Variants in CAST observed in about 807,000 individuals in gnomAD.
CAST encodes MIR583 host.
In CAST, 76 loss-of-function variants were observed where a neutral mutation model predicts 119.6. That is an observed-to-expected ratio of 0.64 (90% CI 0.53 to 0.77). The LOEUF (loss-of-function observed/expected upper bound fraction) is 0.77. Ranked by LOEUF, CAST falls within the 30% of genes least tolerant of loss-of-function variation. The probability of loss-of-function intolerance (pLI) is 0.00; values close to 1 mark genes in which losing one functional copy is unlikely to be tolerated. For missense variants in CAST, 953 were observed against 946.5 expected, an observed-to-expected ratio of 1.01 and a Z score of -0.09; for synonymous variants, 319 against 331.6, an observed-to-expected ratio of 0.96 and a Z score of 0.41.
chr5:96,243,471 G>A, the CAST span, among the ~76,000 whole-genome samples: 1 of 151,724 alleles, frequency 6.6e-6, no homozygotes, highest in South Asian at 2.1e-4. Flanking sequence ...ATTTTTTTTG[G>A]TTAAATACAC....
At chr5:96,354,103 T>C in the CAST span, among the ~76,000 whole-genome samples, 3 of 152,140 alleles carry the variant, frequency 2.0e-5, no homozygotes, top group Non-Finnish European at 2.9e-5. Flanking sequence ...TTACTTTAAA[T>C]ACATATCAAG....
At chr5:96,484,492 A>G in the CAST span, among the ~76,000 whole-genome samples, 2 of 152,188 alleles carry the variant, frequency 1.3e-5, no homozygotes, top group Admixed American at 6.6e-5. Flanking sequence ...CAGACACCAG[A>G]TGGGTTAGTC....
chr5:96,353,922 C>T, the CAST span, among the ~76,000 whole-genome samples: 1 of 152,180 alleles, frequency 6.6e-6, no homozygotes, highest in Non-Finnish European at 1.5e-5. Context: ...CCTGTTGCTT[C>T]TATTTCCCTG....
chr5:96,416,046 A>G, the CAST span: 1 of 1,607,128 alleles, frequency 6.2e-7, no homozygotes, highest in Non-Finnish European at 8.5e-7. Flanking sequence ...CAACTTTGGA[A>G]TTGTATGCAA....
the CAST span, among the ~76,000 whole-genome samples, chr5:96,004,306 G>T: frequency 6.6e-6 from 1 of 152,182 alleles, no homozygotes; most frequent in Non-Finnish European, 1.5e-5. Flanking sequence ...ATTTTAGCAA[G>T]AGCATATCTT....
the CAST span, among the ~76,000 whole-genome samples, chr5:96,057,498 C>T: frequency 2.0e-5 from 3 of 152,134 alleles, no homozygotes; most frequent in Non-Finnish European, 4.4e-5. Flanking sequence ...CACTTCCATG[C>T]CCTTCAGCTT....
chr5:96,478,469 A>G, the CAST span, among the ~76,000 whole-genome samples: 3 of 152,326 alleles, frequency 2.0e-5, no homozygotes, highest in East Asian at 5.8e-4. Flanking sequence ...CCTCCTTGTC[A>G]CACTCCATTC....
chr5:96,556,825 C>G (rs186013928), intron 1 of CAST, among the ~76,000 whole-genome samples: 161 of 152,244 alleles, frequency 1.1e-3, no homozygotes, highest in Non-Finnish European at 2.0e-3. Flanking sequence ...TCTAGCAAGG[C>G]AGGCCAACAT....
intron 1 of CAST, among the ~76,000 whole-genome samples, chr5:96,543,647 A>G (rs186295716): frequency 1.0e-3 from 158 of 152,282 alleles, no homozygotes; most frequent in African/African-American, 3.3e-3. Flanking sequence ...CTTTTGGTGT[A>G]TGTAAAAATT....
chr5:96,751,157 C>T (rs954070242), intron 20 of CAST, among the ~76,000 whole-genome samples: 3 of 152,152 alleles, frequency 2.0e-5, no homozygotes, highest in East Asian at 1.9e-4. Context: ...TTCTAATTTT[C>T]ACATGAAGTA....
chr5:96,578,824 T>G (rs1452850070), intron 1 of CAST, among the ~76,000 whole-genome samples: 4 of 152,190 alleles, frequency 2.6e-5, no homozygotes, highest in African/African-American at 7.2e-5. Context: ...TGCTAGGTCT[T>G]ATTTAAAGCT....
chr5:96,615,739 A>C (rs1280657934), intron 1 of CAST, among the ~76,000 whole-genome samples: 1 of 152,156 alleles, frequency 6.6e-6, no homozygotes. Flanking sequence ...TCCCGAGAAC[A>C]GGTCCATGCC....
At chr5:96,085,637 T>G in the CAST span, among the ~76,000 whole-genome samples, 9 of 152,326 alleles carry the variant, frequency 5.9e-5, no homozygotes, top group East Asian at 1.7e-3. Flanking sequence ...ACAACAATTT[T>G]TAAACAATGC....
At chr5:96,653,795 T>C (rs986529766) in intron 1 of CAST, among the ~76,000 whole-genome samples, 1 of 152,160 alleles carries the variant, frequency 6.6e-6, no homozygotes, top group Non-Finnish European at 1.5e-5. Flanking sequence ...TCTTTAAGTA[T>C]TTGAAAGACT....
At chr5:96,454,424 G>A in the CAST span, among the ~76,000 whole-genome samples, 1 of 152,180 alleles carries the variant, frequency 6.6e-6, no homozygotes. Flanking sequence ...AAGAGGTGCT[G>A]GTATTGACTG....
the CAST span, among the ~76,000 whole-genome samples, chr5:95,983,179 C>T: frequency 6.6e-6 from 1 of 152,114 alleles, no homozygotes. Flanking sequence ...AGAACAACAA[C>T]AAGTTGATGA....
the CAST span, among the ~76,000 whole-genome samples, chr5:96,104,001 A>G: frequency 6.6e-6 from 1 of 152,122 alleles, no homozygotes; most frequent in Admixed American, 6.5e-5. Context: ...ATGGCCAGTG[A>G]TGGTGTGTTT....
At chr5:96,758,761 TCATCC>T (rs1343065370) in intron 24 of CAST, among the ~76,000 whole-genome samples, 4 of 152,176 alleles carry the variant, frequency 2.6e-5, no homozygotes, top group Non-Finnish European at 5.9e-5. Context: ...CTCAGTCACC[TCATCC>T]CGTGACCTTC....
chr5:96,596,744 C>T (rs1184628228), intron 1 of CAST, among the ~76,000 whole-genome samples: 2 of 152,162 alleles, frequency 1.3e-5, no homozygotes, highest in Non-Finnish European at 2.9e-5. Flanking sequence ...ATTCAACCTA[C>T]AGCACCATGT....
Sources: allele counts gnomAD v4.1 joint callset (sites outside exome capture counted in the v4.1 genomes callset), GRCh38; gene constraint gnomAD v4.1.1; transcripts MANE v1.5; gene names NCBI Gene and HGNC (gene_info 2026-07-23, HGNC 2026-07-21).